Variants in FNDC1 observed in about 807,000 individuals in gnomAD.
The protein encoded by FNDC1 is fibronectin type III domain containing 1, also known as fibronectin type III domain-containing protein 1.
Under a neutral mutation model 168.0 loss-of-function variants are expected in FNDC1, and 96 were observed. The observed-to-expected ratio is 0.57, with a 90% CI of 0.48 to 0.68. The LOEUF (loss-of-function observed/expected upper bound fraction) is 0.68, where lower values mean the gene tolerates loss of function less well. Ranked by LOEUF, FNDC1 falls within the 30% of genes least tolerant of loss-of-function variation. The probability of loss-of-function intolerance (pLI) is 0.00; values close to 1 mark genes in which losing one functional copy is unlikely to be tolerated. For missense variants in FNDC1, 2,587 were observed against 2,482.1 expected (o/e 1.04, Z -0.90); for synonymous variants, 1,099 against 1,025.9 (o/e 1.07, Z -1.36).
At chr6:159,266,910 G>A (rs1777606407) in intron 21 of FNDC1, among the ~76,000 whole-genome samples, 1 of 151,868 alleles carries the variant, frequency 6.6e-6, no homozygotes, top group South Asian at 2.1e-4. Flanking sequence ...CGAGTGCTTT[G>A]AGCTGCTAAC....
chr6:159,259,114 G>A (rs1297902478), intron 18 of FNDC1, among the ~76,000 whole-genome samples: 2 of 152,200 alleles, frequency 1.3e-5, no homozygotes, highest in East Asian at 3.8e-4. Context: ...GAAGGTGCCA[G>A]AAACTTATAT....
chr6:159,194,433 G>T (rs917972386), intron 1 of FNDC1, among the ~76,000 whole-genome samples: 5 of 152,184 alleles, frequency 3.3e-5, no homozygotes, highest in Admixed American at 2.0e-4. Context: ...TGATTACAAA[G>T]ATTCTATGAT....
rs750946852 is a variant in FNDC1 at position 159,173,971 on chromosome 6, T to C, written c.109+4266T>C. ...TGGAAGCAAACATTTCGGGAGAGGC[T>C]CCATCACCCTTGGCTGATTAAGGAG... On this transcript the variant is annotated intron_variant, in intron 1 of 22. Coordinates refer to ENST00000297267, the MANE Select transcript of FNDC1 (RefSeq NM_032532.3). Among the ~76,000 whole-genome samples the C allele has an allele frequency of 1.1e-3, 173 of 152,188 alleles. 1 individual carries two copies. Among genetic ancestry groups the C allele is most frequent in the Non-Finnish European group, 2.0e-3 (135 of 68,034 alleles).
chr6:159,207,107 C>A (rs1210635296), intron 4 of FNDC1, among the ~76,000 whole-genome samples: 1 of 152,172 alleles, frequency 6.6e-6, no homozygotes, highest in East Asian at 1.9e-4. Context: ...TGGCACCCCC[C>A]CACCCCAGCA....
At chr6:159,246,793 T>C (rs1427071889) in intron 14 of FNDC1, 108 bp from the exon 15 acceptor site, 6 of 767,238 alleles carry the variant, frequency 7.8e-6, no homozygotes, top group Non-Finnish European at 1.4e-5. Context: ...GGGACTTGTT[T>C]TCATGACCTG....
intron 4 of FNDC1, among the ~76,000 whole-genome samples, chr6:159,214,606 T>G (rs674249): frequency 0.33 from 50,005 of 151,908 alleles, 9,254 homozygotes; most frequent in African/African-American, 0.49. Flanking sequence ...TTTAGCTCTT[T>G]CCTGAGAATA....
At position 159,203,956 on chromosome 6, in the gene FNDC1, C is replaced by A. The variant is rs116151333; in HGVS notation, c.460+3375C>A. On this transcript the variant is annotated intron_variant, in intron 4 of 22. Transcript: ENST00000297267. ...CTGAATATGATCATATCTATTTAAT[C>A]ATTTTTAAGGTTTTTCTAAAAATCA... 2.0e-3 allele frequency among the ~76,000 whole-genome samples: 301 copies of A among 152,322 alleles called. 2 individuals carry two copies. Among genetic ancestry groups the A allele is most frequent in the African/African-American group, 7.1e-3 (294 of 41,570 alleles).
intron 14 of FNDC1, among the ~76,000 whole-genome samples, chr6:159,242,097 C>T (rs997567979): frequency 4.6e-5 from 7 of 152,056 alleles, no homozygotes; most frequent in African/African-American, 1.2e-4. Flanking sequence ...TGCCCATCAA[C>T]GATAGACTAG....
chr6:159,204,020 A>G (rs1407900775), intron 4 of FNDC1, among the ~76,000 whole-genome samples: 1 of 152,234 alleles, frequency 6.6e-6, no homozygotes, highest in Non-Finnish European at 1.5e-5. Context: ...AGCCTAAACT[A>G]GGCCTAGTAC....
At chr6:159,219,397 T>C (rs1782774466) in intron 5 of FNDC1, among the ~76,000 whole-genome samples, 2 of 152,170 alleles carry the variant, frequency 1.3e-5, no homozygotes, top group South Asian at 4.1e-4. Context: ...CTTGACACCA[T>C]TGCATGTTCA....
intron 17 of FNDC1, among the ~76,000 whole-genome samples, chr6:159,254,656 C>T (rs559156404): frequency 3.4e-5 from 5 of 146,704 alleles, no homozygotes; most frequent in East Asian, 2.0e-4. Flanking sequence ...TGCAATGAGC[C>T]GAGATAGTGC....
chr6:159,210,133 C>T (rs1782568634), intron 4 of FNDC1, among the ~76,000 whole-genome samples: 1 of 152,234 alleles, frequency 6.6e-6, no homozygotes, highest in Non-Finnish European at 1.5e-5. Context: ...GCCAGGGCGT[C>T]CTGGTGCTGC....
At chr6:159,226,300 A>G (rs544632176) in intron 8 of FNDC1, among the ~76,000 whole-genome samples, 173 bp from the exon 9 acceptor site, 3 of 152,330 alleles carry the variant, frequency 2.0e-5, no homozygotes, top group East Asian at 1.9e-4. Flanking sequence ...TTGTAGTGAC[A>G]TAAATCACTA....
chr6:159,263,490 C>T (rs376509562), intron 19 of FNDC1, among the ~76,000 whole-genome samples: 5 of 152,118 alleles, frequency 3.3e-5, no homozygotes, highest in African/African-American at 1.2e-4. Context: ...TGGCTGGCCA[C>T]GGTGGCTCAC....
chr6:159,198,832 G>C (rs1053694472), intron 2 of FNDC1, among the ~76,000 whole-genome samples: 2 of 152,216 alleles, frequency 1.3e-5, no homozygotes, highest in Non-Finnish European at 2.9e-5. Context: ...AAAGTGTCTG[G>C]CGAAGCATGA....
At chr6:159,213,942 G>A (rs405777) in intron 4 of FNDC1, among the ~76,000 whole-genome samples, 73,119 of 152,128 alleles carry the variant, frequency 0.48, 19,906 homozygotes, top group African/African-American at 0.74. Context: ...AGGGCATGCT[G>A]AATTGTGATA....
At chr6:159,223,784 T>C (rs774188430) in intron 7 of FNDC1, 139 bp downstream of exon 7, 1 of 608,510 alleles carries the variant, frequency 1.6e-6, no homozygotes, top group Admixed American at 3.1e-5. Flanking sequence ...GAATGGTAAA[T>C]ATTCTATGAC....
At chr6:159,208,844 A>ATTTTT (rs369408600) in intron 4 of FNDC1, among the ~76,000 whole-genome samples, 1,401 of 128,002 alleles carry the variant, frequency 0.011, 31 homozygotes, top group East Asian at 0.034. Context: ...GTTATTTTTA[A>ATTTTT]TTTTTTTTTT....
chr6:159,251,640 A>C (rs1479234391), intron 17 of FNDC1, 108 bp downstream of exon 17: 1 of 889,132 alleles, frequency 1.1e-6, no homozygotes, highest in African/African-American at 1.7e-5. Flanking sequence ...AGTGGGTTGG[A>C]TGGGTTGGAT....
Sources: gnomAD v4.1 joint callset for allele counts (sites outside exome capture counted in the v4.1 genomes callset) on GRCh38, gnomAD v4.1.1 for gene constraint, MANE v1.5 for transcripts, NCBI Gene and HGNC (gene_info 2026-07-23, HGNC 2026-07-21) for gene names.